EYA4: variants seen among roughly 807,000 people sequenced by gnomAD.
The protein encoded by EYA4 is protein phosphatase EYA4.
Under a neutral mutation model 87.9 loss-of-function variants are expected in EYA4, and 31 were observed. The observed-to-expected ratio is 0.35, with a 90% CI of 0.27 to 0.48. EYA4 has a LOEUF of 0.48. Among genes scored for constraint, EYA4 ranks in the 20% least tolerant of loss-of-function variants. The pLI is 0.99. For missense variants in EYA4, 678 were observed against 761.4 expected (o/e 0.89, Z 1.29); for synonymous variants, 263 against 270.6 (o/e 0.97, Z 0.28).
At chr6:133,513,088 A>G (rs745703631) in intron 16 of EYA4, 50 bp downstream of exon 16, 1 of 1,523,518 alleles carries the variant, frequency 6.6e-7, no homozygotes, top group Admixed American at 1.7e-5. Context: ...TATAGGTAGA[A>G]TTCAATCTGT....
At chr6:133,487,364 G>A (rs765682221) in intron 13 of EYA4, among the ~76,000 whole-genome samples, 2 of 152,132 alleles carry the variant, frequency 1.3e-5, no homozygotes, top group Non-Finnish European at 2.9e-5. Context: ...CAGTGGACTC[G>A]GCAGACACAT....
At chr6:133,245,556 G>T (rs932562444) in intron 1 of EYA4, among the ~76,000 whole-genome samples, 1 of 152,150 alleles carries the variant, frequency 6.6e-6, no homozygotes. Flanking sequence ...GAATGGGGTG[G>T]CATTGCAGTG....
At chr6:133,428,258 A>G (rs1790851615) in intron 3 of EYA4, among the ~76,000 whole-genome samples, 1 of 152,202 alleles carries the variant, frequency 6.6e-6, no homozygotes, top group Admixed American at 6.5e-5. Flanking sequence ...TTAATCAACA[A>G]AAAATAGTTG....
intron 2 of EYA4, among the ~76,000 whole-genome samples, chr6:133,283,527 C>T (rs904777150): frequency 2.0e-5 from 3 of 152,032 alleles, no homozygotes; most frequent in Admixed American, 1.3e-4. Flanking sequence ...AATCTCATAA[C>T]GGCCCTTTGT....
At chr6:133,286,697 TTCACTTATTTGAGATTTCCATC>T (rs1411111545) in intron 2 of EYA4, among the ~76,000 whole-genome samples, 1 of 152,216 alleles carries the variant, frequency 6.6e-6, no homozygotes, top group Non-Finnish European at 1.5e-5. Context: ...TGAGACAGTA[TTCACTTATTTGAGATTTCCATC>T]AAAGTAACCA....
intron 19 of EYA4, among the ~76,000 whole-genome samples, chr6:133,527,589 T>C (rs927018679): frequency 6.6e-6 from 1 of 152,216 alleles, no homozygotes; most frequent in African/African-American, 2.4e-5. Flanking sequence ...TTACATTCTT[T>C]TTTGTTTGTT....
rs11154727 is a variant in EYA4, at chr6:133,454,984, T to G, written c.278-1572T>G. Among the ~76,000 whole-genome samples, 3 of 152,120 alleles carry G rather than the reference T, an allele frequency of 2.0e-5. No homozygotes were observed. In the South Asian group the frequency reaches 6.2e-4, roughly 31 times the overall value. The stretch of plus-strand genomic sequence containing the variant: ...CTACCGTCTCCTGCACTGGAACTTA[T>G]GCAGGCTTTTCAGCCCCCCTGAACT... On this transcript the variant is annotated intron_variant, in intron 5 of 19. Transcript: ENST00000355286.
chr6:133,362,109 G>T (rs1445571278), intron 2 of EYA4, among the ~76,000 whole-genome samples: 3 of 152,164 alleles, frequency 2.0e-5, no homozygotes, highest in African/African-American at 7.2e-5. Flanking sequence ...TGAAGGTGTG[G>T]GGTATGTAAT....
At chr6:133,264,867 C>T (rs1033572580) in intron 1 of EYA4, among the ~76,000 whole-genome samples, 18 of 152,110 alleles carry the variant, frequency 1.2e-4, no homozygotes, top group African/African-American at 3.9e-4. Context: ...GGTCTCCGCT[C>T]TGTCACCTAG....
chr6:133,430,757 A>C (rs974400364), intron 3 of EYA4, among the ~76,000 whole-genome samples: 1 of 152,234 alleles, frequency 6.6e-6, no homozygotes, highest in Admixed American at 6.5e-5. Context: ...ACATTCAACA[A>C]GTGTTCATTG....
chr6:133,531,234 A>G lies in EYA4; in HGVS notation c.*2429A>G. 10 of 1,531,100 alleles carry G rather than the reference A, an allele frequency of 6.5e-6. No homozygotes were observed. The highest frequency in any genetic ancestry group is 7.9e-6 in the Non-Finnish European group (9 of 1,143,238). 94.8% of individuals were successfully genotyped at this position (1,531,100 alleles called of 1,614,324 possible). A position where few individuals can be genotyped will look rare whatever the true frequency, so the allele number is the denominator to read the frequency against. ...AAGAGGCTGCCGGCATAAAACCTAA[A>G]TGCAAGGTTGACGGAGAACAGCTTG... On this transcript the variant is annotated 3_prime_UTR_variant, in exon 20 of 20. Transcript: ENST00000355286.
intron 2 of EYA4, among the ~76,000 whole-genome samples, chr6:133,302,564 C>G (rs1050328192): frequency 5.9e-5 from 9 of 152,216 alleles, no homozygotes; most frequent in African/African-American, 2.2e-4. Flanking sequence ...GTGTTTTTAG[C>G]CTAGCTCTTA....
At chr6:133,267,309 G>T (rs1482778953) in intron 1 of EYA4, among the ~76,000 whole-genome samples, 1 of 151,878 alleles carries the variant, frequency 6.6e-6, no homozygotes, top group Non-Finnish European at 1.5e-5. Flanking sequence ...TCTTAGTTGT[G>T]CATCCATGTT....
At chr6:133,422,957 C>T (rs1055961502) in intron 3 of EYA4, among the ~76,000 whole-genome samples, 2 of 152,158 alleles carry the variant, frequency 1.3e-5, no homozygotes, top group African/African-American at 4.8e-5. Flanking sequence ...TCTCTACCCA[C>T]CTTGCCCACT....
At chr6:133,409,950 C>T (rs1035880843) in intron 3 of EYA4, among the ~76,000 whole-genome samples, 1 of 151,878 alleles carries the variant, frequency 6.6e-6, no homozygotes, top group Admixed American at 6.6e-5. Context: ...AATATATGTC[C>T]TCCCCCCATA....
chr6:133,491,999 C>T (rs1286837813), intron 13 of EYA4, among the ~76,000 whole-genome samples: 1 of 149,024 alleles, frequency 6.7e-6, no homozygotes, highest in Non-Finnish European at 1.5e-5. Context: ...AGCCTGGGAC[C>T]CTATGACTTT....
chr6:133,481,654 T>C, intron 12 of EYA4, 55 bp downstream of exon 12: 1 of 1,562,488 alleles, frequency 6.4e-7, no homozygotes, highest in Non-Finnish European at 8.8e-7. Flanking sequence ...TACCGAATGA[T>C]ACATTCTCTA....
intron 2 of EYA4, among the ~76,000 whole-genome samples, chr6:133,356,958 G>T (rs112181847): frequency 0.021 from 3,181 of 151,734 alleles, 113 homozygotes; most frequent in African/African-American, 0.073. Flanking sequence ...CCTATTTTAA[G>T]AGTTTATTTT....
At chr6:133,419,482 T>TA (rs555022142) in intron 3 of EYA4, among the ~76,000 whole-genome samples, 4 of 152,288 alleles carry the variant, frequency 2.6e-5, no homozygotes, top group South Asian at 4.2e-4. Flanking sequence ...TGAACTCTTG[T>TA]AGGAAATGGA....
Sources: gnomAD v4.1 joint callset for allele counts (sites outside exome capture counted in the v4.1 genomes callset) on GRCh38, gnomAD v4.1.1 for gene constraint, MANE v1.5 for transcripts, NCBI Gene and HGNC (gene_info 2026-07-23, HGNC 2026-07-21) for gene names.